PJVK: variants seen among roughly 807,000 people sequenced by gnomAD.
PJVK encodes the protein autosomal recessive deafness type 59 protein.
In PJVK, 33 loss-of-function variants were observed where a neutral mutation model predicts 37.6. The ratio of observed to expected loss-of-function variants is 0.88; its 90% CI spans 0.67 to 1.17. The LOEUF is 1.17. Among genes scored for constraint, PJVK ranks in the 50% most tolerant of loss-of-function variants. The pLI is 0.00. For missense variants in PJVK, 410 were observed against 413.8 expected, an observed-to-expected ratio of 0.99 and a Z score of 0.08; for synonymous variants, 141 against 143.5, an observed-to-expected ratio of 0.98 and a Z score of 0.13.
Position 178,460,976 on chromosome 2 carries a change from T to G in PJVK, c.767-6T>G, listed in dbSNP as rs777917950. The G allele has an allele frequency of 6.2e-7, 1 of 1,613,294 alleles. No homozygotes were observed. Among genetic ancestry groups the G allele is most frequent in the Non-Finnish European group, 8.5e-7 (1 of 1,179,878 alleles). Reference sequence around the variant, plus strand: ...ACACATTTCTTTTCTGTTTTTGTCCTTTTAGATAGAAGAGTGATGGATGTC... The same window carrying G: ...ACACATTTCTTTTCTGTTTTTGTCCGTTTAGATAGAAGAGTGATGGATGTC... On this transcript the variant is annotated splice_region_variant and splice_polypyrimidine_tract_variant and intron_variant, in intron 6 of 6. Transcript: ENST00000644580.
chr2:178,451,857 A>C (rs1304510097), intron 1 of PJVK, 88 bp downstream of exon 1: 28 of 985,364 alleles, frequency 2.8e-5, no homozygotes, highest in Non-Finnish European at 3.4e-5. Context: ...TTTGCCTGGG[A>C]TGCAGCACCT....
chr2:178,455,103 AC>A (rs1251062578), intron 3 of PJVK: 3 of 1,592,432 alleles, frequency 1.9e-6, no homozygotes, highest in Admixed American at 3.3e-5. Context: ...GAGCTCTACA[AC>A]GAAGTGAAGG....
chr2:178,454,156 A>G (rs1329827684), intron 2 of PJVK, 176 bp from the exon 3 acceptor site: 3 of 538,990 alleles, frequency 5.6e-6, no homozygotes, highest in African/African-American at 1.9e-5. Flanking sequence ...AATTCTGGCT[A>G]TGTGTTTCTT....
intron 3 of PJVK, chr2:178,455,116 G>C: frequency 1.9e-6 from 3 of 1,598,362 alleles, no homozygotes; most frequent in Non-Finnish European, 2.6e-6. Flanking sequence ...AAGTGAAGGC[G>C]GAGGAGAGCT....
chr2:178,454,613 T>C, intron 3 of PJVK, 86 bp downstream of exon 3: 1 of 1,482,498 alleles, frequency 6.7e-7, no homozygotes, highest in Admixed American at 1.9e-5. Context: ...GCTTAAAACA[T>C]TGAGGTTGTA....
At chr2:178,456,540 C>T (rs761196002) in intron 4 of PJVK, among the ~76,000 whole-genome samples, 9 of 152,054 alleles carry the variant, frequency 5.9e-5, no homozygotes, top group Non-Finnish European at 1.3e-4. Flanking sequence ...CCGAGGTGGG[C>T]GGATCACTTG....
At chr2:178,458,834 G>C (rs534445243) in intron 5 of PJVK, among the ~76,000 whole-genome samples, 3 of 152,048 alleles carry the variant, frequency 2.0e-5, no homozygotes, top group African/African-American at 7.2e-5. Context: ...TCTGCTTCTT[G>C]GTGAAGGTTG....
At position 178,451,770 on chromosome 2, in the gene PJVK, G is replaced by A. The variant is rs1373101834; in HGVS notation, c.-23+1G>A. 1.0e-6 allele frequency: 1 copy of A among 985,344 alleles called. No homozygotes were observed. The highest frequency in any genetic ancestry group is 1.2e-6 in the Non-Finnish European group (1 of 829,948). The allele number at this position is 985,344 out of a possible 1,614,324, so 61.0% of individuals were successfully genotyped here. A position where few individuals can be genotyped will look rare whatever the true frequency, so the allele number is the denominator to read the frequency against. ...CTTTCGTCGCGAGATGGAACGCTGG[G>A]TCAGTGCATCCCAGCAAAACACGTT... On this transcript the variant is annotated splice_donor_variant, in intron 1 of 6. Transcript: ENST00000644580. LOFTEE classifies it low-confidence loss of function (5UTR_SPLICE).
intron 5 of PJVK, chr2:178,459,269 G>A: frequency 2.1e-6 from 1 of 468,180 alleles, no homozygotes; most frequent in Non-Finnish European, 4.4e-6. Context: ...CCCTAGCCAT[G>A]GTAATTTACA....
chr2:178,452,446 G>A (rs1425447645), intron 1 of PJVK: 1 of 983,500 alleles, frequency 1.0e-6, no homozygotes, highest in African/African-American at 1.7e-5. Context: ...GTCTATATAT[G>A]TATGTATATA....
rs944618030 is a variant in PJVK at position 178,455,077 on chromosome 2, A to G, written c.407+550A>G. 8 of 1,517,840 alleles carry G rather than the reference A, an allele frequency of 5.3e-6. No homozygotes were observed. In the African/African-American group the frequency reaches 1.1e-4, roughly 21 times the overall value. 94.0% of individuals were successfully genotyped at this position (1,517,840 alleles called of 1,614,324 possible). A position where few individuals can be genotyped will look rare whatever the true frequency, so the allele number is the denominator to read the frequency against. ...TCCAGGTGGGGCTCAAGGGGCAGCC[A>G]GCGATCATCGATGGGGAGCTCTACA... On this transcript the variant is annotated intron_variant, in intron 3 of 6. Coordinates refer to ENST00000644580, the MANE Select transcript of PJVK (RefSeq NM_001042702.5).
At chr2:178,454,621 G>T (rs368591044) in intron 3 of PJVK, 94 bp downstream of exon 3, 1 of 1,460,460 alleles carries the variant, frequency 6.8e-7, no homozygotes. Context: ...CATTGAGGTT[G>T]TATTTTACTA....
In PJVK at chr2:178,451,698, C is replaced by A; in HGVS notation, c.-94C>A. 1.1e-6 allele frequency: 1 copy of A among 891,266 alleles called. No individual in the cohort carries two copies. The highest frequency in any genetic ancestry group is 1.3e-6 in the Non-Finnish European group (1 of 744,080). The allele number at this position is 891,266 out of a possible 1,614,324, so 55.2% of individuals were successfully genotyped here. On this transcript the variant is annotated 5_prime_UTR_variant, in exon 1 of 7. Coordinates refer to ENST00000644580, the MANE Select transcript of PJVK (RefSeq NM_001042702.5). Reference sequence around the variant, plus strand: ...GTGTTTAGGAACACGCGGGGACGTCCAAACACCCGCTCCTCTCCCGCCGGG... The same window carrying A: ...GTGTTTAGGAACACGCGGGGACGTCAAAACACCCGCTCCTCTCCCGCCGGG...
chr2:178,455,395 G>A (rs1231827251), intron 3 of PJVK: 18 of 1,391,960 alleles, frequency 1.3e-5, no homozygotes, highest in African/African-American at 4.3e-5. Context: ...ATCAGCATCC[G>A]GAGATGGATT....
chr2:178,455,536 G>C, intron 3 of PJVK: 1 of 766,860 alleles, frequency 1.3e-6, no homozygotes. Flanking sequence ...GCAGGCATGG[G>C]ACTGGCCCAG....
chr2:178,456,322 A>C (rs1238779794), intron 4 of PJVK, 171 bp downstream of exon 4: 2 of 817,830 alleles, frequency 2.4e-6, no homozygotes, highest in South Asian at 1.7e-5. Flanking sequence ...GAAAAAAAAA[A>C]ACAAATCTTG....
intron 3 of PJVK, chr2:178,455,044 GC>G (rs1188842783): frequency 7.9e-7 from 1 of 1,273,838 alleles, no homozygotes; most frequent in Non-Finnish European, 1.1e-6. Flanking sequence ...GCATCCAACG[GC>G]GGCACCTCCA....
At chr2:178,451,830 A>T (rs1284848271) in intron 1 of PJVK, 61 bp downstream of exon 1, 4 of 985,374 alleles carry the variant, frequency 4.1e-6, no homozygotes, top group Non-Finnish European at 4.8e-6. Context: ...GGACCTGGGT[A>T]GTCGGTTGTA....
At chr2:178,458,902 A>G (rs766326145) in intron 5 of PJVK, among the ~76,000 whole-genome samples, 2 of 152,206 alleles carry the variant, frequency 1.3e-5, no homozygotes, top group Non-Finnish European at 2.9e-5. Flanking sequence ...CCATCTACTG[A>G]CAAAGTATTC....
Sources: gnomAD v4.1 joint callset for allele counts (sites outside exome capture counted in the v4.1 genomes callset) on GRCh38, gnomAD v4.1.1 for gene constraint, MANE v1.5 for transcripts, NCBI Gene and HGNC (gene_info 2026-07-23, HGNC 2026-07-21) for gene names.